The following SEMA4D variants were observed in gnomAD, a reference collection of about 807,000 sequenced individuals.
SEMA4D encodes the protein semaphorin-4D.
Under a neutral mutation model 74.8 loss-of-function variants are expected in SEMA4D, and 22 were observed. The observed-to-expected ratio is 0.29, with a 90% CI of 0.21 to 0.42. The LOEUF is 0.42. Among genes scored for constraint, SEMA4D ranks in the 10% least tolerant of loss-of-function variants. The pLI is 1.00. For synonymous variants in SEMA4D, 445 were observed against 463.7 expected (o/e 0.96, Z 0.52); for missense variants, 937 against 1,118.4 (o/e 0.84, Z 2.31).
chr9:89,480,012 CTAGA>C (rs1247434284), intron 1 of SEMA4D: 1 of 152,310 alleles, frequency 6.6e-6, no homozygotes, highest in East Asian at 1.9e-4. Context: ...AATCCCTGAG[CTAGA>C]TAGAAAGGTT....
chr9:89,446,088 C>G (rs1433324665), intron 2 of SEMA4D, among the ~76,000 whole-genome samples: 1 of 152,172 alleles, frequency 6.6e-6, no homozygotes, highest in Non-Finnish European at 1.5e-5. Flanking sequence ...TCAACCTCAC[C>G]CAGGAACACC....
chr9:89,411,296 T>G (rs1028515417), intron 2 of SEMA4D, among the ~76,000 whole-genome samples: 1 of 152,150 alleles, frequency 6.6e-6, no homozygotes, highest in Non-Finnish European at 1.5e-5. Flanking sequence ...TGAATGGAAA[T>G]GTAACCAGAG....
downstream of SEMA4D, among the ~76,000 whole-genome samples, chr9:89,375,042 G>C (rs1217523609): frequency 6.6e-6 from 1 of 152,210 alleles, no homozygotes; most frequent in African/African-American, 2.4e-5. Flanking sequence ...AACAGAGCAA[G>C]ACTCTGCCTC....
intron 2 of SEMA4D, among the ~76,000 whole-genome samples, chr9:89,427,663 G>A (rs757137132): frequency 2.0e-5 from 3 of 152,182 alleles, no homozygotes; most frequent in Non-Finnish European, 4.4e-5. Context: ...GCATTTAGTG[G>A]GGCTGACTTC....
intron 2 of SEMA4D, among the ~76,000 whole-genome samples, chr9:89,447,179 C>T (rs1853119825): frequency 6.6e-6 from 1 of 152,112 alleles, no homozygotes; most frequent in Non-Finnish European, 1.5e-5. Context: ...CAGCATGGAA[C>T]AGGAGCAGGT....
At chr9:89,438,064 T>A (rs1850848607) in intron 2 of SEMA4D, among the ~76,000 whole-genome samples, 1 of 152,160 alleles carries the variant, frequency 6.6e-6, no homozygotes, top group Non-Finnish European at 1.5e-5. Flanking sequence ...CAGAGGACAC[T>A]TTACCCAGTA....
intron 1 of SEMA4D, among the ~76,000 whole-genome samples, chr9:89,466,831 G>A (rs965747987): frequency 1.5e-4 from 23 of 152,146 alleles, no homozygotes; most frequent in Non-Finnish European, 3.1e-4. Context: ...TGACCAATAC[G>A]AGCCTGATGT....
chr9:89,438,866 C>T (rs1587892463), intron 2 of SEMA4D, among the ~76,000 whole-genome samples: 2 of 148,396 alleles, frequency 1.3e-5, no homozygotes, highest in South Asian at 2.1e-4. Flanking sequence ...GGGGTTTCAC[C>T]GTGTTAGCCA....
At chr9:89,496,858 G>A (rs138965574) in intron 1 of SEMA4D, among the ~76,000 whole-genome samples, 1 of 152,206 alleles carries the variant, frequency 6.6e-6, no homozygotes, top group African/African-American at 2.4e-5. Flanking sequence ...CTTCCGTTCC[G>A]TGGCGCCTGG....
intron 2 of SEMA4D, among the ~76,000 whole-genome samples, chr9:89,420,674 C>CT (rs1162036049): frequency 6.6e-6 from 1 of 152,256 alleles, no homozygotes; most frequent in African/African-American, 2.4e-5. Context: ...ACCTGGTGTT[C>CT]TTCAGCACAC....
chr9:89,487,716 A>AT (rs1825300113), intron 1 of SEMA4D, among the ~76,000 whole-genome samples: 1 of 152,216 alleles, frequency 6.6e-6, no homozygotes, highest in Non-Finnish European at 1.5e-5. Context: ...GTATTTCTAT[A>AT]TATCGCAATT....
intron 4 of SEMA4D, among the ~76,000 whole-genome samples, chr9:89,402,211 C>T (rs895258735): frequency 2.6e-5 from 4 of 152,022 alleles, no homozygotes; most frequent in Non-Finnish European, 5.9e-5. Flanking sequence ...TTAAAGACAC[C>T]GAGGAATCAG....
rs77928964 is a variant in SEMA4D at position 89,363,258 on chromosome 9, C to T, written c.2190+172G>A. Among the ~76,000 whole-genome samples the T allele has an allele frequency of 8.4e-3, 1,224 of 145,186 alleles. 17 individuals carry two copies. Among genetic ancestry groups the T allele is most frequent in the African/African-American group, 0.028 (1,146 of 40,348 alleles). Reference sequence around the variant, plus strand: ...ATCTCCTGCAGTCTCAGCAACAAGACGTGGGATTTCCCCCCCCAGTGTTGC... The same window carrying T: ...ATCTCCTGCAGTCTCAGCAACAAGATGTGGGATTTCCCCCCCCAGTGTTGC... On this transcript the variant is annotated intron_variant, in intron 18 of 18. Transcript: ENST00000339861.
intron 1 of SEMA4D, among the ~76,000 whole-genome samples, chr9:89,486,872 T>G (rs1425330694): frequency 6.6e-6 from 1 of 152,134 alleles, no homozygotes; most frequent in Non-Finnish European, 1.5e-5. Context: ...GAGCTATGAT[T>G]GTACCACTGC....
chr9:89,442,146 G>T (rs934780545), intron 2 of SEMA4D, among the ~76,000 whole-genome samples: 2 of 131,252 alleles, frequency 1.5e-5, no homozygotes, highest in African/African-American at 2.8e-5. Flanking sequence ...TTTTCCCCTG[G>T]CCCAGGACAC....
Position 89,469,327 on chromosome 9 carries a change from T to C in SEMA4D, c.-309-13374A>G, listed in dbSNP as rs1338459242. Among the ~76,000 whole-genome samples, 3 of 152,248 alleles carry C rather than the reference T, an allele frequency of 2.0e-5. No individual in the cohort carries two copies. In the East Asian group the frequency reaches 5.8e-4, roughly 29 times the overall value. ...AAAGACATCTGAAAAGGCTCAGAGA[T>C]AGGTTCCTTACATGTTTGGTAGAAT... On this transcript the variant is annotated intron_variant, in intron 1 of 15. Coordinates refer to ENST00000422704, the MANE Select transcript of SEMA4D (RefSeq NM_001371194.2).
intron 2 of SEMA4D, among the ~76,000 whole-genome samples, chr9:89,431,972 T>C (rs1264517206): frequency 1.3e-5 from 2 of 152,216 alleles, no homozygotes; most frequent in Non-Finnish European, 1.5e-5. Context: ...TCCTCATCTC[T>C]CTGTGTCCAT....
At chr9:89,458,384 T>G (rs1348222850) in intron 1 of SEMA4D, among the ~76,000 whole-genome samples, 2 of 152,178 alleles carry the variant, frequency 1.3e-5, no homozygotes, top group Non-Finnish European at 2.9e-5. Context: ...TTTTCTTTAG[T>G]GGAAACTACA....
intron 1 of SEMA4D, among the ~76,000 whole-genome samples, chr9:89,496,261 G>A (rs1016152384): frequency 1.3e-5 from 2 of 152,204 alleles, no homozygotes; most frequent in African/African-American, 4.8e-5. Context: ...CCCTCCCATG[G>A]AGTCCCTCCC....
Sources: allele counts gnomAD v4.1 joint callset (sites outside exome capture counted in the v4.1 genomes callset), GRCh38; gene constraint gnomAD v4.1.1; transcripts MANE v1.5; gene names NCBI Gene and HGNC (gene_info 2026-07-23, HGNC 2026-07-21).